ADAMTS5: variants seen among roughly 807,000 people sequenced by gnomAD.
ADAMTS5 encodes ADAM metallopeptidase with thrombospondin type 1 motif 5.
ADAMTS5 carries 54 observed loss-of-function variants against 81.4 expected under a neutral mutation model. The ratio of observed to expected loss-of-function variants is 0.66; its 90% confidence interval spans 0.53 to 0.83. The LOEUF is 0.83. Ranked by LOEUF, ADAMTS5 falls within the 40% of genes least tolerant of loss-of-function variation. The probability of loss-of-function intolerance (pLI) is 0.00; values close to 1 mark genes in which losing one functional copy is unlikely to be tolerated. For missense variants in ADAMTS5, 1,194 were observed against 1,229.9 expected (o/e 0.97, Z 0.44); for synonymous variants, 532 against 508.8 (o/e 1.05, Z -0.61).
Position 26,942,425 on chromosome 21 carries a change from C to T in ADAMTS5, c.1405+955G>A, listed in dbSNP as rs543172842. On this transcript the variant is annotated intron_variant, in intron 3 of 7. Transcript: ENST00000284987. The stretch of plus-strand genomic sequence containing the variant: ...AATTATTATGATCAATAATTTCTGT[C>T]ACATTCAATTTAACTACTAGTTTTA... Among the ~76,000 whole-genome samples, 219 of 152,160 alleles carry T rather than the reference C, an allele frequency of 1.4e-3. 2 individuals carry two copies. Among genetic ancestry groups the T allele is most frequent in the African/African-American group, 5.2e-3 (216 of 41,542 alleles).
At chr21:26,945,982 CTG>C (rs2123189755) in intron 2 of ADAMTS5, among the ~76,000 whole-genome samples, 1 of 152,246 alleles carries the variant, frequency 6.6e-6, no homozygotes, top group Non-Finnish European at 1.5e-5. Flanking sequence ...AATGAACACT[CTG>C]TGCTCCATGA....
intron 7 of ADAMTS5, among the ~76,000 whole-genome samples, chr21:26,929,077 T>C (rs1986858941): frequency 6.6e-6 from 1 of 152,184 alleles, no homozygotes; most frequent in South Asian, 2.1e-4. Flanking sequence ...TCAGAGAAAA[T>C]TTATAGTTTT....
chr21:26,934,524 T>C lies in ADAMTS5; in HGVS notation c.1631A>G (p.Lys544Arg). 6.8e-6 allele frequency: 11 copies of C among 1,614,192 alleles called. No individual in the cohort carries two copies. The highest frequency in any genetic ancestry group is 9.3e-6 in the Non-Finnish European group (11 of 1,180,040). The change falls in exon 4 of 8, where the codon AAG (lysine) becomes AGG (arginine). Residue 544 changes from lysine (K) to arginine (R), a missense_variant. Transcript: ENST00000284987. Reference protein sequence around the residue: ...LPAVEGTPCGKGRICLQGKCV... With the variant: ...LPAVEGTPCGRGRICLQGKCV... Reference sequence around the variant, plus strand: ...TTTGCCCTGCAGGCAGATTCTCCCCTTTCCACAAGGCGTCCCTTCCACCGC... The same window carrying C: ...TTTGCCCTGCAGGCAGATTCTCCCCCTTCCACAAGGCGTCCCTTCCACCGC...
chr21:26,965,675 C>A lies in ADAMTS5; in HGVS notation c.717G>T (p.Leu239Phe). 1 of 1,587,536 alleles carries A rather than the reference C, an allele frequency of 6.3e-7. No individual in the cohort carries two copies. Among genetic ancestry groups the A allele is most frequent in the Non-Finnish European group, 8.6e-7 (1 of 1,169,480 alleles). Residue 239 changes from leucine (L) to phenylalanine (F), a missense_variant, in exon 1 of 8, where the codon TTG (leucine) becomes TTT (phenylalanine). This residue lies in a region of ADAMTS5 where 498 missense variants were observed against 412.3 expected (regional missense o/e 1.21). Coordinates refer to ENST00000284987, the MANE Select transcript of ADAMTS5 (RefSeq NM_007038.5). ...SGRAALASQLLDQSALSPAGG... is the reference protein window; with the variant it reads ...SGRAALASQLFDQSALSPAGG... ...CAGCGGGCGAGAGAGCGGACTGGTC[C>A]AAGAGCTGCGAGGCCAGTGCTGCGC...
rs924199437 is a variant in ADAMTS5, at chr21:26,919,585, T to C, written c.*4468A>G. 1 of 152,054 alleles carries C rather than the reference T, an allele frequency of 6.6e-6. No individual in the cohort carries two copies. Among genetic ancestry groups the C allele is most frequent in the African/African-American group, 2.4e-5 (1 of 41,422 alleles). 9.4% of individuals were successfully genotyped at this position (152,054 alleles called of 1,614,324 possible). A position where few individuals can be genotyped will look rare whatever the true frequency, so the allele number is the denominator to read the frequency against. On this transcript the variant is annotated 3_prime_UTR_variant, in exon 8 of 8. Coordinates refer to ENST00000284987, the MANE Select transcript of ADAMTS5 (RefSeq NM_007038.5). ...AGGCAGGCATTTACCAGACTGAATG[T>C]TTTGCTGATCTGAACACTACCTGTA...
rs1568850728 is a variant in ADAMTS5 at position 26,954,825 on chromosome 21, A to G, written c.1151T>C (p.Val384Ala). 6.2e-7 allele frequency: 1 copy of G among 1,614,114 alleles called. No homozygotes were observed. The highest frequency in any genetic ancestry group is 8.5e-7 in the Non-Finnish European group (1 of 1,179,994). The change falls in exon 2 of 8, where the codon GTT becomes GCT. Residue 384 changes from valine to alanine, a missense_variant. Physicochemically the swap from Val to Ala is moderately conservative, Grantham distance 64. Around this residue, in one of 2 missense-constraint regions of ADAMTS5, gnomAD observed 696 missense variants for 817.6 expected, o/e 0.85. Coordinates refer to ENST00000284987, the MANE Select transcript of ADAMTS5 (RefSeq NM_007038.5). ...GCGCTCTGGAGAACATATGGTCCCAACGTCTGCCATTCCCAGGGTGTCACA... is the reference window on the plus strand; with the variant it reads ...GCGCTCTGGAGAACATATGGTCCCAGCGTCTGCCATTCCCAGGGTGTCACA... ...HSCDTLGMAD[V>A]GTICSPERSC... is the part of the protein sequence containing the mutation.
At chr21:26,932,315 G>T in intron 5 of ADAMTS5, 136 bp from the exon 6 acceptor site, 1 of 833,500 alleles carries the variant, frequency 1.2e-6, no homozygotes, top group Non-Finnish European at 1.8e-6. Context: ...ACTCACCAAT[G>T]CTGATGGATT....
At chr21:26,941,942 T>C (rs768101051) in intron 3 of ADAMTS5, among the ~76,000 whole-genome samples, 24 of 152,126 alleles carry the variant, frequency 1.6e-4, no homozygotes, top group Admixed American at 5.9e-4. Context: ...ATTACCATTG[T>C]ATTACTGGTC....
At chr21:26,933,080 G>A (rs772503654) in intron 4 of ADAMTS5, 36 bp from the exon 5 acceptor site, 2 of 1,570,366 alleles carry the variant, frequency 1.3e-6, no homozygotes, top group South Asian at 2.4e-5. Flanking sequence ...TAACTCCAAT[G>A]AGAGAAAAAC....
At chr21:26,962,702 G>A (rs1005778401) in intron 1 of ADAMTS5, among the ~76,000 whole-genome samples, 1 of 152,188 alleles carries the variant, frequency 6.6e-6, no homozygotes, top group African/African-American at 2.4e-5. Context: ...GCTAAGCAAC[G>A]CACTTCTTAC....
chr21:26,945,616 G>C (rs1987200869), intron 2 of ADAMTS5, among the ~76,000 whole-genome samples: 1 of 152,150 alleles, frequency 6.6e-6, no homozygotes, highest in Admixed American at 6.5e-5. Context: ...AGGGACCTGA[G>C]AAAGTACCTT....
chr21:26,956,320 TAC>T (rs1987426271), intron 1 of ADAMTS5, among the ~76,000 whole-genome samples: 1 of 152,204 alleles, frequency 6.6e-6, no homozygotes, highest in African/African-American at 2.4e-5. Context: ...TGAGATAAGT[TAC>T]AGTGTGGCCA....
intron 1 of ADAMTS5, among the ~76,000 whole-genome samples, chr21:26,963,627 G>A (rs534524358): frequency 7.4e-5 from 6 of 81,144 alleles, no homozygotes; most frequent in East Asian, 4.3e-4. Context: ...CCCCAGACAC[G>A]GAAAGTTGCT....
At chr21:26,949,043 C>A (rs1987267950) in intron 2 of ADAMTS5, among the ~76,000 whole-genome samples, 1 of 151,888 alleles carries the variant, frequency 6.6e-6, no homozygotes, top group Admixed American at 6.6e-5. Context: ...TGACATATAT[C>A]AAAGGACCAG....
At chr21:26,931,531 C>T (rs1272420477) in intron 6 of ADAMTS5, among the ~76,000 whole-genome samples, 1 of 152,136 alleles carries the variant, frequency 6.6e-6, no homozygotes, top group African/African-American at 2.4e-5. Flanking sequence ...GACATTGATT[C>T]ATATTAAGGG....
At chr21:26,934,833 G>T (rs1053457367) in intron 3 of ADAMTS5, 84 bp from the exon 4 acceptor site, 7 of 1,533,200 alleles carry the variant, frequency 4.6e-6, no homozygotes, top group Non-Finnish European at 6.2e-6. Flanking sequence ...GAAATGCCCC[G>T]GCTGGTGTTG....
At chr21:26,925,428 G>A (rs1986788871) in intron 7 of ADAMTS5, among the ~76,000 whole-genome samples, 1 of 152,066 alleles carries the variant, frequency 6.6e-6, no homozygotes. Flanking sequence ...ATTGAGAAAG[G>A]CTTTATGGTG....
At chr21:26,929,097 C>T (rs189833578) in intron 7 of ADAMTS5, among the ~76,000 whole-genome samples, 1 of 152,230 alleles carries the variant, frequency 6.6e-6, no homozygotes, top group East Asian at 1.9e-4. Context: ...TTTACATTAA[C>T]ATGTTTAATT....
chr21:26,959,283 G>T (rs1601019913), intron 1 of ADAMTS5, among the ~76,000 whole-genome samples: 2 of 152,300 alleles, frequency 1.3e-5, no homozygotes, highest in South Asian at 2.1e-4. Context: ...TTGAGACAAA[G>T]TTCCCTCATC....
Sources: gnomAD v4.1 joint callset for allele counts (sites outside exome capture counted in the v4.1 genomes callset) on GRCh38, gnomAD v4.1.1 for gene constraint, gnomAD v4.1.1 regional missense constraint, MANE v1.5 for transcripts, NCBI Gene and HGNC (gene_info 2026-07-23, HGNC 2026-07-21) for gene names.